ACTR2: variants seen among roughly 807,000 people sequenced by gnomAD.
ACTR2 encodes the protein actin-related protein 2.
A neutral mutation model predicts 50.2 loss-of-function variants in ACTR2; 5 were observed. That is an observed-to-expected ratio of 0.10 (90% CI 0.05 to 0.21). ACTR2 has a LOEUF of 0.21. Ranked by LOEUF, ACTR2 falls within the 10% of genes least tolerant of loss-of-function variation. The pLI, the probability that ACTR2 is intolerant of heterozygous loss-of-function variation, is 1.00. For missense variants in ACTR2, 180 were observed against 480.6 expected (o/e 0.37, Z 5.85); for synonymous variants, 140 against 162.9 (o/e 0.86, Z 1.07).
intron 2 of ACTR2, among the ~76,000 whole-genome samples, chr2:65,241,301 A>T (rs1671837090): frequency 6.6e-6 from 1 of 152,228 alleles, no homozygotes; most frequent in African/African-American, 2.4e-5. Flanking sequence ...ACTGGACAAT[A>T]AAATTTTTGA....
chr2:65,249,826 A>G (rs1672009957), intron 3 of ACTR2, among the ~76,000 whole-genome samples: 1 of 152,198 alleles, frequency 6.6e-6, no homozygotes, highest in South Asian at 2.1e-4. Context: ...GGTTGTAATT[A>G]CAGTCTTGAT....
chr2:65,258,636 A>G (rs1672199017), intron 6 of ACTR2, among the ~76,000 whole-genome samples: 1 of 152,114 alleles, frequency 6.6e-6, no homozygotes, highest in African/African-American at 2.4e-5. Flanking sequence ...ATATGCACAC[A>G]CACACATATA....
intron 2 of ACTR2, among the ~76,000 whole-genome samples, chr2:65,241,292 C>T (rs1322089235): frequency 6.6e-6 from 1 of 152,084 alleles, no homozygotes; most frequent in Non-Finnish European, 1.5e-5. Flanking sequence ...TTTTTATATA[C>T]TGGACAATAA....
intron 2 of ACTR2, chr2:65,246,067 A>G (rs1000314381): frequency 6.5e-6 from 1 of 153,668 alleles, no homozygotes; most frequent in African/African-American, 2.4e-5. Flanking sequence ...TTCTTTCATT[A>G]TGCTTTATAG....
At chr2:65,267,484 T>G (rs554612435) in intron 8 of ACTR2, among the ~76,000 whole-genome samples, 1 of 152,362 alleles carries the variant, frequency 6.6e-6, no homozygotes, top group South Asian at 2.1e-4. Context: ...TGATTTAGAA[T>G]GACATAGTTA....
intron 3 of ACTR2, among the ~76,000 whole-genome samples, chr2:65,248,177 G>T (rs540736460): frequency 4.6e-5 from 7 of 152,160 alleles, no homozygotes; most frequent in Non-Finnish European, 1.0e-4. Flanking sequence ...CGAGGTGGGC[G>T]GATCACGAGG....
chr2:65,247,645 G>GATC (rs1319997803), intron 3 of ACTR2, among the ~76,000 whole-genome samples: 1 of 152,116 alleles, frequency 6.6e-6, no homozygotes, highest in Non-Finnish European at 1.5e-5. Flanking sequence ...AGTGGATGTA[G>GATC]ATCATCATAA....
chr2:65,259,728 C>CA (rs945030072), intron 6 of ACTR2, among the ~76,000 whole-genome samples: 4 of 150,764 alleles, frequency 2.7e-5, no homozygotes, highest in South Asian at 2.1e-4. Context: ...GACTCTGTCT[C>CA]AAAAAAAAAT....
chr2:65,252,068 A>C (rs1006722054), intron 4 of ACTR2, among the ~76,000 whole-genome samples: 1 of 151,852 alleles, frequency 6.6e-6, no homozygotes, highest in East Asian at 1.9e-4. Flanking sequence ...AAATGGGTCA[A>C]GTGTGTTTGG....
In ACTR2 at chr2:65,271,140, A is replaced by G. The variant is rs543001021; in HGVS notation, c.*2406A>G. 6.6e-6 allele frequency: 1 copy of G among 152,326 alleles called. No individual in the cohort carries two copies. Among genetic ancestry groups the G allele is most frequent in the African/African-American group, 2.4e-5 (1 of 41,580 alleles). The allele number at this position is 152,326 out of a possible 1,614,324, so 9.4% of individuals were successfully genotyped here. A position where few individuals can be genotyped will look rare whatever the true frequency, so the allele number is the denominator to read the frequency against. On this transcript the variant is annotated 3_prime_UTR_variant, in exon 9 of 9. Transcript: ENST00000260641. ...GGTTAACTTTTACACAGTTCTGAGT[A>G]CTGTTAATATCTGGAAAGTATCTTG...
intron 6 of ACTR2, among the ~76,000 whole-genome samples, chr2:65,256,474 C>G (rs932676237): frequency 6.6e-6 from 1 of 152,040 alleles, no homozygotes; most frequent in African/African-American, 2.4e-5. Flanking sequence ...TAAAATGAAA[C>G]AGTAATAGGC....
chr2:65,247,574 C>T (rs767861337), intron 3 of ACTR2, among the ~76,000 whole-genome samples: 1 of 151,784 alleles, frequency 6.6e-6, no homozygotes, highest in East Asian at 1.9e-4. Flanking sequence ...GGCGACAGAG[C>T]GAGACTCCGT....
chr2:65,254,297 C>A (rs2104008141), intron 5 of ACTR2, among the ~76,000 whole-genome samples: 1 of 152,136 alleles, frequency 6.6e-6, no homozygotes, highest in African/African-American at 2.4e-5. Context: ...TCCTTTCCTA[C>A]AAAATACAGT....
chr2:65,269,733 C>G lies in ACTR2; in HGVS notation c.*999C>G, dbSNP rs1397677780. ...TATAACTGACCAGTGCTTAATAAAA[C>G]AAGCAGGTACTTACAAATAATTACT... On this transcript the variant is annotated 3_prime_UTR_variant, in exon 9 of 9. Transcript: ENST00000260641. The G allele has an allele frequency of 1.3e-5, 2 of 152,128 alleles. No homozygotes were observed. The highest frequency in any genetic ancestry group is 4.8e-5 in the African/African-American group (2 of 41,432). The allele number at this position is 152,128 out of a possible 1,614,324, so 9.4% of individuals were successfully genotyped here. A position where few individuals can be genotyped will look rare whatever the true frequency, so the allele number is the denominator to read the frequency against.
Position 65,227,874 on chromosome 2 carries a change from G to GT in ACTR2, c.-34dup. The GT allele has an allele frequency of 6.7e-7, 1 of 1,501,688 alleles. No homozygotes were observed. Among genetic ancestry groups the GT allele is most frequent in the Non-Finnish European group, 8.9e-7 (1 of 1,124,954 alleles). 93.0% of individuals were successfully genotyped at this position (1,501,688 alleles called of 1,614,324 possible). ...AACGGCCGGGCGGCGGTGGCTGTAG[G>GT]TTGTGCGGCTGCAGCGGCTCTTCCC... On this transcript the variant is annotated 5_prime_UTR_variant, in exon 1 of 9. Transcript: ENST00000260641.
At chr2:65,255,896 A>G (rs577298397) in intron 6 of ACTR2, among the ~76,000 whole-genome samples, 3 of 152,360 alleles carry the variant, frequency 2.0e-5, no homozygotes, top group African/African-American at 7.2e-5. Context: ...AATTAAGGCA[A>G]GAATCATAAA....
chr2:65,230,136 C>T (rs753521425), intron 1 of ACTR2, among the ~76,000 whole-genome samples: 132 of 152,254 alleles, frequency 8.7e-4, no homozygotes, highest in Non-Finnish European at 1.5e-3. Flanking sequence ...GTTACATGTG[C>T]GGCTAAAATT....
chr2:65,253,693 G>T, intron 4 of ACTR2, 35 bp from the exon 5 acceptor site: 1 of 1,597,828 alleles, frequency 6.3e-7, no homozygotes, highest in South Asian at 1.1e-5. Context: ...TTCCTGATTT[G>T]ACTTTTTATT....
intron 4 of ACTR2, among the ~76,000 whole-genome samples, chr2:65,252,227 C>T (rs1672065386): frequency 6.6e-6 from 1 of 151,580 alleles, no homozygotes; most frequent in South Asian, 2.1e-4. Flanking sequence ...GTGAATTCCT[C>T]CTTTTTTTTT....
Sources: allele counts gnomAD v4.1 joint callset (sites outside exome capture counted in the v4.1 genomes callset), GRCh38; gene constraint gnomAD v4.1.1; transcripts MANE v1.5; gene names NCBI Gene and HGNC (gene_info 2026-07-23, HGNC 2026-07-21).